The following RNF220 variants were observed in gnomAD, a reference collection of about 807,000 sequenced individuals.
RNF220 encodes ring finger protein 220, also known as E3 ubiquitin-protein ligase RNF220.
RNF220 carries 7 observed loss-of-function variants against 67.1 expected under a neutral mutation model. That is an observed-to-expected ratio of 0.10 (90% CI 0.06 to 0.20). The LOEUF (loss-of-function observed/expected upper bound fraction) is 0.20. Ranked by LOEUF, RNF220 falls within the 10% of genes least tolerant of loss-of-function variation. The pLI, the probability that RNF220 is intolerant of heterozygous loss-of-function variation, is 1.00. For synonymous variants in RNF220, 270 were observed against 283.2 expected, an observed-to-expected ratio of 0.95 and a Z score of 0.47; for missense variants, 565 against 740.3, an observed-to-expected ratio of 0.76 and a Z score of 2.75.
intron 2 of RNF220, among the ~76,000 whole-genome samples, chr1:44,581,604 C>T (rs1471365537): frequency 2.0e-5 from 3 of 152,172 alleles, no homozygotes; most frequent in African/African-American, 7.2e-5. Context: ...CTAAGACGAT[C>T]ATCCTTTGGC....
intron 2 of RNF220, among the ~76,000 whole-genome samples, chr1:44,476,625 T>C (rs1655323402): frequency 6.6e-6 from 1 of 152,142 alleles, no homozygotes; most frequent in Non-Finnish European, 1.5e-5. Context: ...TATTGAGACC[T>C]TGTAGTTGGG....
At chr1:44,409,807 A>G (rs1037130789) in intron 1 of RNF220, among the ~76,000 whole-genome samples, 3 of 152,172 alleles carry the variant, frequency 2.0e-5, no homozygotes, top group African/African-American at 7.2e-5. Flanking sequence ...TATTAACTAT[A>G]GATTTTCATA....
chr1:44,640,194 G>T (rs1644447188), intron 8 of RNF220, among the ~76,000 whole-genome samples: 1 of 152,272 alleles, frequency 6.6e-6, no homozygotes, highest in African/African-American at 2.4e-5. Context: ...GGGCACATAG[G>T]CCTTGCCCTA....
chr1:44,441,510 C>G (rs571017610), intron 2 of RNF220, among the ~76,000 whole-genome samples: 1 of 152,094 alleles, frequency 6.6e-6, no homozygotes, highest in African/African-American at 2.4e-5. Flanking sequence ...AAGTAAAAGA[C>G]GCAGTCAACA....
chr1:44,631,036 T>C (rs1014142160), intron 5 of RNF220, among the ~76,000 whole-genome samples: 7 of 152,136 alleles, frequency 4.6e-5, no homozygotes, highest in Non-Finnish European at 7.4e-5. Flanking sequence ...CTCGTAAGAT[T>C]ATGTATGACT....
intron 2 of RNF220, among the ~76,000 whole-genome samples, chr1:44,539,910 T>G (rs922062731): frequency 5.3e-5 from 8 of 152,216 alleles, no homozygotes; most frequent in African/African-American, 1.9e-4. Context: ...CTCTTTTGCC[T>G]ATTAGGATAA....
At chr1:44,535,135 C>CTTTTTTT (rs903715852) in intron 2 of RNF220, among the ~76,000 whole-genome samples, 30 of 102,996 alleles carry the variant, frequency 2.9e-4, no homozygotes, top group African/African-American at 5.0e-4. Flanking sequence ...GCAGCTTCTT[C>CTTTTTTT]TTTTTTTTTT....
chr1:44,467,090 C>T (rs894668301), intron 2 of RNF220, among the ~76,000 whole-genome samples: 6 of 152,248 alleles, frequency 3.9e-5, no homozygotes, highest in Non-Finnish European at 8.8e-5. Context: ...TTAGCTAGAT[C>T]TTCTGGTTAA....
rs272550 is a variant in RNF220, at chr1:44,610,667, C to T, written c.626-3498C>T. 3.3e-5 allele frequency among the ~76,000 whole-genome samples: 5 copies of T among 152,144 alleles called. No homozygotes were observed. In the South Asian group the frequency reaches 8.3e-4, roughly 25 times the overall value. On this transcript the variant is annotated intron_variant, in intron 2 of 14. Transcript: ENST00000361799. ...GCTGACAGCCTGCCTCTGGTGGGCT[C>T]GGCCTGCCCACCTGTGGTGCTGCCG...
intron 2 of RNF220, among the ~76,000 whole-genome samples, chr1:44,459,899 G>A (rs572389896): frequency 2.6e-5 from 4 of 152,278 alleles, no homozygotes; most frequent in South Asian, 2.1e-4. Flanking sequence ...CACCAAGACC[G>A]AAACAGTCAG....
chr1:44,556,715 C>T (rs1392607116), intron 2 of RNF220, among the ~76,000 whole-genome samples: 3 of 152,074 alleles, frequency 2.0e-5, no homozygotes, highest in South Asian at 2.1e-4. Flanking sequence ...GCCTGCACCA[C>T]GCCCTGCTAA....
intron 2 of RNF220, among the ~76,000 whole-genome samples, chr1:44,435,891 C>T (rs746769150): frequency 1.5e-4 from 23 of 151,686 alleles, no homozygotes; most frequent in African/African-American, 3.6e-4. Context: ...CGTTGCACTC[C>T]GTCTTGGGTG....
intron 2 of RNF220, among the ~76,000 whole-genome samples, chr1:44,551,756 A>G (rs1662657311): frequency 6.6e-6 from 1 of 152,168 alleles, no homozygotes; most frequent in Non-Finnish European, 1.5e-5. Context: ...CTTGTTAATA[A>G]TCACTAGGTT....
rs796799357 is a variant in RNF220, at chr1:44,417,690, C to T, written c.625+4968C>T. The stretch of plus-strand genomic sequence containing the variant: ...GAAGTGATCCGGGCTGCCGTTTTCT[C>T]GCGGCCGCCCGCCAGCCCCTCGCCG... On this transcript the variant is annotated intron_variant, in intron 2 of 14. Coordinates refer to ENST00000361799, the MANE Select transcript of RNF220 (RefSeq NM_018150.4). The surrounding 1 kb of genome is among the most constrained non-coding windows in gnomAD (Gnocchi z 4.0). Among the ~76,000 whole-genome samples the T allele has an allele frequency of 9.5e-4, 145 of 152,240 alleles. No individual in the cohort carries two copies. Among genetic ancestry groups the T allele is most frequent in the African/African-American group, 3.2e-3 (133 of 41,560 alleles).
At chr1:44,613,611 C>T (rs572562330) in intron 2 of RNF220, among the ~76,000 whole-genome samples, 1 of 152,218 alleles carries the variant, frequency 6.6e-6, no homozygotes, top group South Asian at 2.1e-4. Flanking sequence ...TAAATAAGGC[C>T]AGGCGCAGTA....
chr1:44,622,917 A>C lies in RNF220; in HGVS notation c.804+130A>C. The C allele has an allele frequency of 4.0e-6, 3 of 751,384 alleles. No individual in the cohort carries two copies. Among genetic ancestry groups the C allele is most frequent in the Non-Finnish European group, 7.0e-6 (3 of 431,242 alleles). 46.5% of individuals were successfully genotyped at this position (751,384 alleles called of 1,614,324 possible). A position where few individuals can be genotyped will look rare whatever the true frequency, so the allele number is the denominator to read the frequency against. ...TCCAGCTTTTCTAATATCCTCAACT[A>C]TCTCCAGGTCTTGAACATCATCCTG... On this transcript the variant is annotated intron_variant, in intron 4 of 14. Coordinates refer to ENST00000361799, the MANE Select transcript of RNF220 (RefSeq NM_018150.4). This position sits in a 1 kb window ranked among gnomAD's most constrained non-coding sequence, Gnocchi z 4.3.
chr1:44,430,420 A>G (rs763830003), intron 2 of RNF220, among the ~76,000 whole-genome samples: 63 of 152,320 alleles, frequency 4.1e-4, no homozygotes, highest in Non-Finnish European at 3.2e-4. Context: ...TAAATCTACC[A>G]TATTACTAAT....
rs201127405 is a variant in RNF220, at chr1:44,459,449, CT to C, written c.625+46728del. On this transcript the variant is annotated intron_variant, in intron 2 of 14. Coordinates refer to ENST00000361799, the MANE Select transcript of RNF220 (RefSeq NM_018150.4). ...CACTTGTCCTCACACAGAACCCCCC[CT>C]AATAAACCCCCCAAAACTGGTATAC... Among the ~76,000 whole-genome samples, 1,113 of 150,008 alleles carry C rather than the reference CT, an allele frequency of 7.4e-3. 14 individuals are homozygous for C. Among genetic ancestry groups the C allele is most frequent in the African/African-American group, 0.026 (1,050 of 40,920 alleles).
chr1:44,619,359 C>T (rs951652242), intron 3 of RNF220, among the ~76,000 whole-genome samples: 7 of 152,198 alleles, frequency 4.6e-5, no homozygotes, highest in East Asian at 3.9e-4. Flanking sequence ...AGAGAAGAGG[C>T]GGGGTGTGGA....
Sources: allele counts gnomAD v4.1 joint callset (sites outside exome capture counted in the v4.1 genomes callset), GRCh38; gene constraint gnomAD v4.1.1; non-coding constraint Gnocchi (gnomAD v3.1); transcripts MANE v1.5; gene names NCBI Gene and HGNC (gene_info 2026-07-23, HGNC 2026-07-21).